Variants in VPS13B observed in about 807,000 individuals in gnomAD.
VPS13B encodes the protein vacuolar protein sorting 13 homolog B, also known as intermembrane lipid transfer protein VPS13B.
VPS13B carries 285 observed loss-of-function variants against 426.4 expected under a neutral mutation model. That is an observed-to-expected ratio of 0.67 (90% CI 0.61 to 0.74). The LOEUF (loss-of-function observed/expected upper bound fraction) is 0.74. Ranked by LOEUF, VPS13B falls within the 30% of genes least tolerant of loss-of-function variation. The probability of loss-of-function intolerance (pLI) is 0.00; values close to 1 mark genes in which losing one functional copy is unlikely to be tolerated. For missense variants in VPS13B, 4,537 were observed against 4,782.6 expected, an observed-to-expected ratio of 0.95 and a Z score of 1.51; for synonymous variants, 1,676 against 1,676.4, an observed-to-expected ratio of 1.00 and a Z score of 0.01.
chr8:99,312,203 C>T (rs1420506954), intron 19 of VPS13B, among the ~76,000 whole-genome samples: 2 of 152,102 alleles, frequency 1.3e-5, no homozygotes, highest in African/African-American at 2.4e-5. Context: ...GAATTTGATC[C>T]TGTCATTATG....
chr8:99,366,623 T>A (rs2133250991), intron 19 of VPS13B, among the ~76,000 whole-genome samples: 1 of 151,670 alleles, frequency 6.6e-6, no homozygotes, highest in East Asian at 1.9e-4. Context: ...AAGTAAAGAC[T>A]TTCTTCTGCC....
intron 15 of VPS13B, among the ~76,000 whole-genome samples, chr8:99,164,244 G>T (rs1306543975): frequency 6.6e-6 from 1 of 152,138 alleles, no homozygotes; most frequent in Admixed American, 6.5e-5. Context: ...GAAATACAGG[G>T]CCCAAAGGTG....
At chr8:99,260,385 C>T (rs1259127301) in intron 17 of VPS13B, among the ~76,000 whole-genome samples, 1 of 151,934 alleles carries the variant, frequency 6.6e-6, no homozygotes, top group African/African-American at 2.4e-5. Flanking sequence ...CAAACCTAAA[C>T]CTCTAAGTAG....
At chr8:99,398,261 A>G (rs1814845778) in intron 21 of VPS13B, among the ~76,000 whole-genome samples, 1 of 152,194 alleles carries the variant, frequency 6.6e-6, no homozygotes. Flanking sequence ...AATTACATTC[A>G]AAGGAACTCT....
At chr8:99,208,544 T>C (rs1028228283) in intron 17 of VPS13B, among the ~76,000 whole-genome samples, 1 of 152,176 alleles carries the variant, frequency 6.6e-6, no homozygotes, top group Non-Finnish European at 1.5e-5. Context: ...CTTCATATTA[T>C]ATGTAAGATT....
chr8:99,608,969 A>T (rs1314128369), intron 33 of VPS13B, among the ~76,000 whole-genome samples: 1 of 152,130 alleles, frequency 6.6e-6, no homozygotes, highest in Non-Finnish European at 1.5e-5. Context: ...TGCTATGAAC[A>T]TTCATGTGCA....
chr8:99,429,482 A>T (rs1816966970), intron 21 of VPS13B: 1 of 151,994 alleles, frequency 6.6e-6, no homozygotes, highest in Non-Finnish European at 1.5e-5. Context: ...TTGCCACCTT[A>T]TATCTTTACT....
In VPS13B at chr8:99,121,351, C is replaced by G. The variant is rs986542868; in HGVS notation, c.1112C>G (p.Pro371Arg). Residue 371 changes from proline (P) to arginine (R), a missense_variant, in exon 8 of 62, where the codon CCT (proline) becomes CGT (arginine). By Grantham distance (103) the Pro-to-Arg change is moderately radical. Coordinates refer to ENST00000357162, the MANE Select transcript of VPS13B (RefSeq NM_152564.5). Reference protein sequence around the residue: ...DGEEDFVGNDPASTMHQQKAQ... With the variant: ...DGEEDFVGNDRASTMHQQKAQ... ...GAGGAAGACTTTGTTGGGAACGATC[C>G]TGCATCAACCATGCATCAACAAAAA... The G allele has an allele frequency of 6.2e-7, 1 of 1,614,164 alleles. No homozygotes were observed. Among genetic ancestry groups the G allele is most frequent in the Non-Finnish European group, 8.5e-7 (1 of 1,180,032 alleles).
chr8:99,057,502 A>G (rs1843943356), intron 3 of VPS13B, among the ~76,000 whole-genome samples: 2 of 152,082 alleles, frequency 1.3e-5, no homozygotes, highest in African/African-American at 4.8e-5. Context: ...CCACATTTAA[A>G]TAGGAGTTTT....
intron 22 of VPS13B, among the ~76,000 whole-genome samples, chr8:99,437,625 G>A (rs1417752411): frequency 6.6e-6 from 1 of 152,118 alleles, no homozygotes; most frequent in Non-Finnish European, 1.5e-5. Flanking sequence ...GGCCGAAGCA[G>A]GAGAATCGCT....
intron 17 of VPS13B, among the ~76,000 whole-genome samples, chr8:99,219,850 A>G (rs1234895709): frequency 6.6e-6 from 1 of 152,204 alleles, no homozygotes; most frequent in Non-Finnish European, 1.5e-5. Context: ...GATGGCTGCC[A>G]CTTTTTCATG....
rs1290642655 is a variant in VPS13B, at chr8:99,283,953, AT to A, written c.2824+8705del. Among the ~76,000 whole-genome samples, 9 of 152,208 alleles carry A rather than the reference AT, an allele frequency of 5.9e-5. No individual in the cohort carries two copies. In the East Asian group the frequency reaches 7.7e-4, roughly 13 times the overall value. On this transcript the variant is annotated intron_variant, in intron 19 of 61. Coordinates refer to ENST00000357162, the MANE Select transcript of VPS13B (RefSeq NM_152564.5). ...TACTAATTTCCTAAAATATATTGATATTTTTTCCCGTTAAGAGATGCAAACA... is the reference window on the plus strand; with the variant it reads ...TACTAATTTCCTAAAATATATTGATATTTTTCCCGTTAAGAGATGCAAACA...
At chr8:99,067,619 G>A (rs185703193) in intron 3 of VPS13B, among the ~76,000 whole-genome samples, 2 of 152,308 alleles carry the variant, frequency 1.3e-5, no homozygotes, top group Admixed American at 1.3e-4. Flanking sequence ...TTGTGCACAT[G>A]TACCCTAGAA....
At chr8:99,348,956 G>T (rs1811704626) in intron 19 of VPS13B, among the ~76,000 whole-genome samples, 1 of 152,020 alleles carries the variant, frequency 6.6e-6, no homozygotes, top group Non-Finnish European at 1.5e-5. Context: ...AAGTATGTCA[G>T]TTTTTCATAC....
intron 19 of VPS13B, among the ~76,000 whole-genome samples, chr8:99,289,450 T>C (rs575367203): frequency 5.3e-5 from 8 of 152,260 alleles, no homozygotes; most frequent in African/African-American, 1.9e-4. Flanking sequence ...ATTTGGGCTT[T>C]ATTTAGAATT....
At chr8:99,270,371 T>G (rs1011566870) in intron 17 of VPS13B, among the ~76,000 whole-genome samples, 3 of 151,850 alleles carry the variant, frequency 2.0e-5, no homozygotes, top group Admixed American at 6.6e-5. Context: ...ACTCCTGACC[T>G]CAAGTGATCC....
intron 7 of VPS13B, 99 bp downstream of exon 7, chr8:99,115,973 G>A: frequency 8.2e-7 from 1 of 1,212,126 alleles, no homozygotes; most frequent in East Asian, 2.4e-5. Context: ...GAGTTTTACA[G>A]TATTCTAATG....
chr8:99,028,385 G>A (rs1330497684), intron 2 of VPS13B, among the ~76,000 whole-genome samples: 20 of 145,430 alleles, frequency 1.4e-4, no homozygotes, highest in Admixed American at 2.7e-4. Flanking sequence ...CTGGCCGGGC[G>A]GGGGGCTGAC....
At position 99,423,885 on chromosome 8, in the gene VPS13B, G is replaced by A. The variant is rs558772412; in HGVS notation, c.3083-7652G>A. ...GTGGTGTTGAAAAGAATGCATATAC[G>A]TTGATTTGGGGTGGAGAGTTCCTTA... On this transcript the variant is annotated intron_variant, in intron 21 of 61. Coordinates refer to ENST00000357162, the MANE Select transcript of VPS13B (RefSeq NM_152564.5). Among the ~76,000 whole-genome samples the A allele has an allele frequency of 5.1e-4, 78 of 152,210 alleles. 1 individual carries two copies. The highest frequency in any genetic ancestry group is 3.4e-3 in the Middle Eastern group (1 of 292).
Sources: gnomAD v4.1 joint callset for allele counts (sites outside exome capture counted in the v4.1 genomes callset) on GRCh38, gnomAD v4.1.1 for gene constraint, MANE v1.5 for transcripts, NCBI Gene and HGNC (gene_info 2026-07-23, HGNC 2026-07-21) for gene names.